EPHA6: variants seen among roughly 807,000 people sequenced by gnomAD.
EPHA6 encodes EPH receptor A6.
A neutral mutation model predicts 112.0 loss-of-function variants in EPHA6; 50 were observed. The observed-to-expected ratio is 0.45, with a 90% CI of 0.36 to 0.56. The LOEUF (loss-of-function observed/expected upper bound fraction) is 0.56. Ranked by LOEUF, EPHA6 falls within the 20% of genes least tolerant of loss-of-function variation. The pLI is 0.00. For missense variants in EPHA6, 1,280 were observed against 1,417.4 expected (o/e 0.90, Z 1.56); for synonymous variants, 529 against 490.7 (o/e 1.08, Z -1.03).
At chr3:96,880,758 T>C (rs993153046) in intron 2 of EPHA6, among the ~76,000 whole-genome samples, 9 of 152,210 alleles carry the variant, frequency 5.9e-5, no homozygotes, top group Admixed American at 4.6e-4. Flanking sequence ...CTATTCTGTG[T>C]ATTTCATATA....
At chr3:97,664,566 A>G (rs187906862) in intron 14 of EPHA6, among the ~76,000 whole-genome samples, 122 of 152,294 alleles carry the variant, frequency 8.0e-4, no homozygotes, top group Admixed American at 3.2e-3. Flanking sequence ...GTATATCTAG[A>G]AAACCCCATT....
At chr3:96,968,777 G>A (rs113862674) in intron 2 of EPHA6, among the ~76,000 whole-genome samples, 4,451 of 151,898 alleles carry the variant, frequency 0.029, 219 homozygotes, top group African/African-American at 0.099. Context: ...AGTTTGCTAA[G>A]CGAATGACTA....
At chr3:97,092,822 G>T (rs2047114740) in intron 3 of EPHA6, among the ~76,000 whole-genome samples, 2 of 151,452 alleles carry the variant, frequency 1.3e-5, no homozygotes, top group Non-Finnish European at 2.9e-5. Context: ...ACTATTTATT[G>T]GCTGTTTTAG....
At chr3:97,246,353 C>G (rs2078986456) in intron 5 of EPHA6, among the ~76,000 whole-genome samples, 1 of 151,744 alleles carries the variant, frequency 6.6e-6, no homozygotes, top group African/African-American at 2.4e-5. Flanking sequence ...CATACAGCAG[C>G]CTTTCATTCT....
At chr3:97,586,610 C>G in intron 11 of EPHA6, among the ~76,000 whole-genome samples, 1 of 151,730 alleles carries the variant, frequency 6.6e-6, no homozygotes, top group East Asian at 1.9e-4. Context: ...GGGAAATACA[C>G]AGTCTGACAA....
At chr3:97,475,602 CA>C in intron 8 of EPHA6, 142 bp downstream of exon 8, 1 of 568,326 alleles carries the variant, frequency 1.8e-6, no homozygotes. Context: ...GACAGTGAAC[CA>C]TCATTAGTTC....
intron 3 of EPHA6, among the ~76,000 whole-genome samples, chr3:97,025,144 GA>G (rs1204246836): frequency 6.6e-6 from 1 of 152,178 alleles, no homozygotes; most frequent in Non-Finnish European, 1.5e-5. Flanking sequence ...CCTATGTCAT[GA>G]GATTTTTATG....
intron 11 of EPHA6, among the ~76,000 whole-genome samples, chr3:97,543,802 G>T (rs1262517628): frequency 6.6e-6 from 1 of 151,886 alleles, no homozygotes; most frequent in Non-Finnish European, 1.5e-5. Context: ...CCTTGAAGAG[G>T]TCCTTCACAT....
intron 2 of EPHA6, among the ~76,000 whole-genome samples, chr3:96,956,693 A>G (rs1395611994): frequency 6.6e-6 from 1 of 152,106 alleles, no homozygotes; most frequent in African/African-American, 2.4e-5. Flanking sequence ...AAAGAGAAAA[A>G]GTTGTCCCAA....
At chr3:97,653,629 A>G (rs1170618367) in intron 14 of EPHA6, among the ~76,000 whole-genome samples, 1 of 151,976 alleles carries the variant, frequency 6.6e-6, no homozygotes, top group African/African-American at 2.4e-5. Context: ...GAATTACCAT[A>G]TGATTCAGCA....
chr3:97,688,156 C>T lies in EPHA6; in HGVS notation c.2785-32105C>T, dbSNP rs564305765. Among the ~76,000 whole-genome samples, 4 of 152,260 alleles carry T rather than the reference C, an allele frequency of 2.6e-5. No homozygotes were observed. The East Asian group carries it at 5.8e-4, about 22-fold the overall frequency. On this transcript the variant is annotated intron_variant, in intron 14 of 17. Coordinates refer to ENST00000389672, the MANE Select transcript of EPHA6 (RefSeq NM_001080448.3). ...AATATCAGTTATGACTCTGTCTTCC[C>T]TGATATGATCATTGCCAGTGGAAAT...
chr3:97,575,098 T>C (rs777082831), intron 11 of EPHA6, among the ~76,000 whole-genome samples: 1 of 152,176 alleles, frequency 6.6e-6, no homozygotes, highest in Non-Finnish European at 1.5e-5. Context: ...AAGAGAGTGA[T>C]ACTATCTGTG....
At position 97,539,030 on chromosome 3, in the gene EPHA6, TCTTTCTTG is replaced by T. The variant is rs894963306; in HGVS notation, c.2386+6495_2386+6502del. Among the ~76,000 whole-genome samples, 525 of 145,706 alleles carry T rather than the reference TCTTTCTTG, an allele frequency of 3.6e-3. 4 individuals carry two copies. Among genetic ancestry groups the T allele is most frequent in the African/African-American group, 0.013 (478 of 37,498 alleles). ...TTCTTTCTTTCTTTCTTTCTTTCTT[TCTTTCTTG>T]CTTTCTTTCTTTCTTTTTCTCTTTC... On this transcript the variant is annotated intron_variant, in intron 11 of 17. Transcript: ENST00000389672.
intron 10 of EPHA6, among the ~76,000 whole-genome samples, chr3:97,504,854 T>A (rs1344224788): frequency 2.0e-5 from 3 of 152,232 alleles, no homozygotes; most frequent in Admixed American, 6.5e-5. Flanking sequence ...CTTTCTAATA[T>A]AACATGTACA....
At chr3:97,710,598 T>TA (rs1461695429) in intron 14 of EPHA6, among the ~76,000 whole-genome samples, 1 of 152,182 alleles carries the variant, frequency 6.6e-6, no homozygotes, top group South Asian at 2.1e-4. Context: ...TTACATATAT[T>TA]AAAAAATCAT....
At chr3:97,332,197 A>G (rs1379425817) in intron 5 of EPHA6, among the ~76,000 whole-genome samples, 1 of 152,170 alleles carries the variant, frequency 6.6e-6, no homozygotes, top group African/African-American at 2.4e-5. Context: ...GCCTTTGACA[A>G]AATTCAACAA....
At chr3:97,216,858 A>G (rs1658914708) in intron 3 of EPHA6, among the ~76,000 whole-genome samples, 1 of 152,238 alleles carries the variant, frequency 6.6e-6, no homozygotes, top group African/African-American at 2.4e-5. Flanking sequence ...TAGGAAAAGG[A>G]CATTATAGAA....
chr3:97,183,951 A>T (rs1481795117), intron 3 of EPHA6, among the ~76,000 whole-genome samples: 1 of 152,146 alleles, frequency 6.6e-6, no homozygotes, highest in African/African-American at 2.4e-5. Flanking sequence ...CTGATCTTCC[A>T]AAATAATAAT....
chr3:97,401,242 G>A lies in EPHA6; in HGVS notation c.1607-3908G>A, dbSNP rs115552019. 9.9e-3 allele frequency among the ~76,000 whole-genome samples: 1,494 copies of A among 151,522 alleles called. 12 individuals are homozygous for A. Among genetic ancestry groups the A allele is most frequent in the Non-Finnish European group, 0.014 (959 of 67,588 alleles). On this transcript the variant is annotated intron_variant, in intron 5 of 17. Transcript: ENST00000389672. ...ATTGGTATTAGTTCTTCTTTAACAG[G>A]GTGGCTGTTAAATGAATTAATTTGG...
Sources: allele counts gnomAD v4.1 joint callset (sites outside exome capture counted in the v4.1 genomes callset), GRCh38; gene constraint gnomAD v4.1.1; transcripts MANE v1.5; gene names NCBI Gene and HGNC (gene_info 2026-07-23, HGNC 2026-07-21).